The following WWOX variants were observed in gnomAD, a reference collection of about 807,000 sequenced individuals.
The protein encoded by WWOX is WW domain containing oxidoreductase, also known as WW domain-containing oxidoreductase.
In WWOX, 69 loss-of-function variants were observed where a neutral mutation model predicts 46.2. The observed-to-expected ratio is 1.49, with a 90% CI of 1.23 to 1.82. WWOX has a LOEUF of 1.82. Among genes scored for constraint, WWOX ranks in the 40% most tolerant of loss-of-function variants. The pLI is 0.00. For missense variants in WWOX, 919 were observed against 542.6 expected, an observed-to-expected ratio of 1.69 and a Z score of -6.89; for synonymous variants, 359 against 202.6, an observed-to-expected ratio of 1.77 and a Z score of -6.56.
chr16:78,514,621 G>C (rs928546487), intron 8 of WWOX, among the ~76,000 whole-genome samples: 2 of 152,192 alleles, frequency 1.3e-5, no homozygotes, highest in African/African-American at 4.8e-5. Context: ...CCCAGGGCAA[G>C]ATAGCAAGAG....
At chr16:78,588,654 G>C (rs549703309) in intron 8 of WWOX, among the ~76,000 whole-genome samples, 1 of 152,296 alleles carries the variant, frequency 6.6e-6, no homozygotes, top group Admixed American at 6.5e-5. Context: ...AGTTCTTGTT[G>C]AGTGTTCTTT....
chr16:78,957,818 C>A (rs1328824844), intron 8 of WWOX, among the ~76,000 whole-genome samples: 3 of 152,186 alleles, frequency 2.0e-5, no homozygotes, highest in African/African-American at 7.2e-5. Flanking sequence ...GCTGTCCCTG[C>A]GCTGGTGCGG....
chr16:78,524,114 A>C lies in WWOX; in HGVS notation c.1056+91362A>C, dbSNP rs138655793. Among the ~76,000 whole-genome samples, 39 of 152,310 alleles carry C rather than the reference A, an allele frequency of 2.6e-4. No homozygotes were observed. The East Asian group carries it at 5.6e-3, about 22-fold the overall frequency. ...AACATGAAGTGTGTTTTAGTCGGCA[A>C]ACATCACTTTGTAATTCTCTGATGT... On this transcript the variant is annotated intron_variant, in intron 8 of 8. Coordinates refer to ENST00000566780, the MANE Select transcript of WWOX (RefSeq NM_016373.4).
chr16:79,120,048 G>C (rs530756150), intron 8 of WWOX, among the ~76,000 whole-genome samples: 11 of 152,268 alleles, frequency 7.2e-5, no homozygotes, highest in African/African-American at 2.4e-4. Flanking sequence ...CAGGGAAACC[G>C]CAACTGCCTG....
At chr16:78,243,438 G>T (rs1340821607) in intron 5 of WWOX, among the ~76,000 whole-genome samples, 1 of 152,038 alleles carries the variant, frequency 6.6e-6, no homozygotes, top group Admixed American at 6.5e-5. Context: ...ATGGGGGTTT[G>T]GTATACAGAT....
chr16:78,339,218 C>T (rs1340705067), intron 5 of WWOX, among the ~76,000 whole-genome samples: 1 of 119,378 alleles, frequency 8.4e-6, no homozygotes, highest in African/African-American at 2.8e-5. Context: ...TGCCATGTAG[C>T]ATATCAAGAT....
chr16:78,562,380 G>A (rs542408256), intron 8 of WWOX, among the ~76,000 whole-genome samples: 124 of 152,190 alleles, frequency 8.1e-4, no homozygotes, highest in Admixed American at 2.1e-3. Context: ...TAGTGTTTTC[G>A]TTGCTTACAA....
chr16:79,012,455 A>G (rs781224830), intron 8 of WWOX, among the ~76,000 whole-genome samples: 2 of 152,010 alleles, frequency 1.3e-5, no homozygotes, highest in Non-Finnish European at 2.9e-5. Context: ...CTGGTCTCGA[A>G]CTCCTGACCT....
intron 8 of WWOX, among the ~76,000 whole-genome samples, chr16:78,960,210 C>G (rs936651645): frequency 2.0e-5 from 3 of 152,170 alleles, no homozygotes; most frequent in Admixed American, 2.0e-4. Flanking sequence ...CTTGTAATGT[C>G]TGACACCAAA....
intron 8 of WWOX, among the ~76,000 whole-genome samples, chr16:78,579,487 AG>A (rs1219500657): frequency 6.6e-6 from 1 of 152,092 alleles, no homozygotes; most frequent in South Asian, 2.1e-4. Context: ...AATATAAACC[AG>A]GGGGTAGGAA....
intron 8 of WWOX, among the ~76,000 whole-genome samples, chr16:79,028,189 T>TCTGC: frequency 6.6e-6 from 1 of 151,750 alleles, no homozygotes; most frequent in Non-Finnish European, 1.5e-5. Context: ...GACCTCATGA[T>TCTGC]CCACCTGCCT....
intron 8 of WWOX, among the ~76,000 whole-genome samples, chr16:79,018,003 T>G (rs1021386387): frequency 3.3e-5 from 5 of 152,206 alleles, no homozygotes; most frequent in Admixed American, 1.3e-4. Context: ...GGTTATGTAC[T>G]GGGGCTAAAG....
chr16:79,019,140 A>G (rs866101584), intron 8 of WWOX, among the ~76,000 whole-genome samples: 5 of 131,540 alleles, frequency 3.8e-5, no homozygotes, highest in Middle Eastern at 3.6e-3. Context: ...CCTGGGCAGC[A>G]GAGTGCGACC....
At position 78,340,201 on chromosome 16, in the gene WWOX, C is replaced by CTT. The variant is rs199760062; in HGVS notation, c.517-46647_517-46646dup. Among the ~76,000 whole-genome samples, 819 of 100,622 alleles carry CTT rather than the reference C, an allele frequency of 8.1e-3. 117 individuals are homozygous for CTT. Among genetic ancestry groups the CTT allele is most frequent in the African/African-American group, 0.024 (738 of 30,198 alleles). The allele number at this position is 100,622 out of a possible 152,430, so 66.0% of individuals were successfully genotyped here. On this transcript the variant is annotated intron_variant, in intron 5 of 8. Coordinates refer to ENST00000566780, the MANE Select transcript of WWOX (RefSeq NM_016373.4). ...TTTGGTAATTGTGTTTGATGATAGTCTTTTTTTTTTTTTGAGATGGAGTCT... is the reference window on the plus strand; with the variant it reads ...TTTGGTAATTGTGTTTGATGATAGTCTTTTTTTTTTTTTTTGAGATGGAGTCT...
chr16:79,048,873 C>G (rs13335371), intron 8 of WWOX, among the ~76,000 whole-genome samples: 23,590 of 152,040 alleles, frequency 0.16, 2,038 homozygotes, highest in East Asian at 0.32. Context: ...TAGCACATCT[C>G]TACCACCATC....
At chr16:78,355,596 G>C (rs2081268992) in intron 5 of WWOX, 2 of 536,064 alleles carry the variant, frequency 3.7e-6, no homozygotes, top group African/African-American at 2.0e-5. Flanking sequence ...CTTAGGCTCA[G>C]CCCAGAGGAG....
chr16:79,084,437 T>C (rs1342489411), intron 8 of WWOX, among the ~76,000 whole-genome samples: 2 of 152,210 alleles, frequency 1.3e-5, no homozygotes, highest in South Asian at 4.1e-4. Context: ...TTTCTTTTTT[T>C]TGAGATGGAG....
At chr16:78,264,691 A>G (rs1165886269) in intron 5 of WWOX, 2 of 152,250 alleles carry the variant, frequency 1.3e-5, no homozygotes, top group African/African-American at 4.8e-5. Flanking sequence ...TACATGTGGT[A>G]TGGCTGCAAT....
chr16:78,748,190 G>A (rs1033682954), intron 8 of WWOX, among the ~76,000 whole-genome samples: 1 of 152,088 alleles, frequency 6.6e-6, no homozygotes, highest in South Asian at 2.1e-4. Flanking sequence ...AGGTGAACAG[G>A]CACCAAAGCT....
Sources: gnomAD v4.1 joint callset for allele counts (sites outside exome capture counted in the v4.1 genomes callset) on GRCh38, gnomAD v4.1.1 for gene constraint, MANE v1.5 for transcripts, NCBI Gene and HGNC (gene_info 2026-07-23, HGNC 2026-07-21) for gene names.